RBFOX1: variants seen among roughly 807,000 people sequenced by gnomAD.
RBFOX1 encodes the protein RNA binding protein fox-1 homolog 1.
RBFOX1 carries 8 observed loss-of-function variants against 57.7 expected under a neutral mutation model. The observed-to-expected ratio is 0.14, with a 90% CI of 0.08 to 0.25. RBFOX1 has a LOEUF of 0.25. Ranked by LOEUF, RBFOX1 falls within the 10% of genes least tolerant of loss-of-function variation. The pLI is 1.00. For synonymous variants in RBFOX1, 326 were observed against 222.4 expected, an observed-to-expected ratio of 1.47 and a Z score of -4.15; for missense variants, 611 against 548.5, an observed-to-expected ratio of 1.11 and a Z score of -1.14.
At chr16:5,682,928 C>G (rs1046900474) in intron 3 of RBFOX1, among the ~76,000 whole-genome samples, 1 of 152,196 alleles carries the variant, frequency 6.6e-6, no homozygotes, top group Admixed American at 6.5e-5. Context: ...CTCCCAGGGT[C>G]TAGTGTGAGT....
intron 2 of RBFOX1, among the ~76,000 whole-genome samples, chr16:6,319,986 A>C (rs2081573120): frequency 1.3e-5 from 2 of 151,772 alleles, no homozygotes; most frequent in African/African-American, 4.9e-5. Flanking sequence ...GATTATAGGA[A>C]TATTTTTTTT....
intron 2 of RBFOX1, among the ~76,000 whole-genome samples, chr16:5,548,172 AAAATAT>A (rs1331987771): frequency 7.1e-4 from 20 of 28,282 alleles, no homozygotes; most frequent in African/African-American, 1.0e-3. Flanking sequence ...AAAAAAAAAA[AAAATAT>A]ATATATATAT....
intron 2 of RBFOX1, among the ~76,000 whole-genome samples, chr16:5,467,975 A>G (rs1432536202): frequency 2.0e-5 from 3 of 152,076 alleles, no homozygotes; most frequent in African/African-American, 7.2e-5. Context: ...CTGGCCCTTG[A>G]GTGGATTGGG....
chr16:5,403,222 T>C (rs899234958), intron 1 of RBFOX1, among the ~76,000 whole-genome samples: 6 of 151,822 alleles, frequency 4.0e-5, no homozygotes, highest in Admixed American at 1.3e-4. Flanking sequence ...TGGTGGTGCA[T>C]GCTTGTAATC....
intron 2 of RBFOX1, among the ~76,000 whole-genome samples, chr16:6,359,838 GC>G (rs2088105861): frequency 6.6e-6 from 1 of 152,038 alleles, no homozygotes. Context: ...TAAAAAAAAT[GC>G]CCTCAAAACA....
At chr16:6,672,486 AAGGG>A (rs1239911519) in intron 3 of RBFOX1, among the ~76,000 whole-genome samples, 15 of 151,838 alleles carry the variant, frequency 9.9e-5, no homozygotes, top group Admixed American at 7.2e-4. Flanking sequence ...AAAAAAGAAA[AAGGG>A]AGGGAGGAAG....
chr16:6,160,056 G>C (rs1030946530), intron 1 of RBFOX1, among the ~76,000 whole-genome samples: 1 of 152,108 alleles, frequency 6.6e-6, no homozygotes, highest in Non-Finnish European at 1.5e-5. Context: ...AGATGCTTAT[G>C]CCTTATTGAG....
At chr16:6,000,194 C>A (rs140706445) in intron 4 of RBFOX1, among the ~76,000 whole-genome samples, 2 of 152,138 alleles carry the variant, frequency 1.3e-5, no homozygotes, top group Non-Finnish European at 2.9e-5. Context: ...CCTCTTAGGG[C>A]AGTACCTGGA....
chr16:7,390,967 G>A (rs1030668786), intron 4 of RBFOX1, among the ~76,000 whole-genome samples: 1 of 152,118 alleles, frequency 6.6e-6, no homozygotes, highest in South Asian at 2.1e-4. Context: ...GTGTGGCTTG[G>A]AACAGGGAGT....
At chr16:5,560,297 A>G (rs2045845279) in intron 2 of RBFOX1, among the ~76,000 whole-genome samples, 1 of 152,086 alleles carries the variant, frequency 6.6e-6, no homozygotes, top group Admixed American at 6.6e-5. Context: ...CTCCTCCAGG[A>G]AGCACTTAGT....
Position 7,370,485 on chromosome 16 carries a change from G to T in RBFOX1, c.28-147662G>T, listed in dbSNP as rs7206595. ...CGATCTTTGTTTTTTATCAACGCGG[G>T]TAAGTTCTGTCTCCCTCACTTTCCC... On this transcript the variant is annotated intron_variant, in intron 4 of 15. Transcript: ENST00000550418. Among the ~76,000 whole-genome samples the T allele has an allele frequency of 3.3e-5, 5 of 151,984 alleles. No individual in the cohort carries two copies. In the South Asian group the frequency reaches 8.3e-4, roughly 25 times the overall value.
At chr16:7,080,988 A>G (rs1299726516) in intron 4 of RBFOX1, among the ~76,000 whole-genome samples, 1 of 152,122 alleles carries the variant, frequency 6.6e-6, no homozygotes, top group African/African-American at 2.4e-5. Flanking sequence ...TCTTTACCTC[A>G]CTTCCCCTCC....
chr16:6,845,305 A>G (rs1357865845), intron 3 of RBFOX1, among the ~76,000 whole-genome samples: 9 of 149,320 alleles, frequency 6.0e-5, no homozygotes, highest in African/African-American at 2.0e-4. Context: ...GTGTTTTTAG[A>G]GTTTTGGGTT....
intron 3 of RBFOX1, among the ~76,000 whole-genome samples, chr16:5,691,833 C>A (rs908265972): frequency 2.6e-5 from 4 of 152,084 alleles, no homozygotes; most frequent in Non-Finnish European, 5.9e-5. Flanking sequence ...CTGAGACTGT[C>A]CCACAAATAG....
At chr16:7,005,120 G>T (rs956343455) in intron 3 of RBFOX1, among the ~76,000 whole-genome samples, 1 of 152,028 alleles carries the variant, frequency 6.6e-6, no homozygotes, top group Non-Finnish European at 1.5e-5. Flanking sequence ...CTCCAGCCTG[G>T]GTGACAAGAG....
intron 3 of RBFOX1, among the ~76,000 whole-genome samples, chr16:6,819,370 A>G (rs2090813051): frequency 6.6e-6 from 1 of 152,282 alleles, no homozygotes; most frequent in African/African-American, 2.4e-5. Context: ...ACACACACAC[A>G]TCCTTTAACA....
intron 11 of RBFOX1, among the ~76,000 whole-genome samples, chr16:7,642,966 A>T (rs2063096812): frequency 6.6e-6 from 1 of 152,230 alleles, no homozygotes. Context: ...TGAGTAGGCA[A>T]ATCACAAATA....
At chr16:6,100,068 T>A (rs1415841351) in intron 1 of RBFOX1, among the ~76,000 whole-genome samples, 1 of 152,202 alleles carries the variant, frequency 6.6e-6, no homozygotes, top group African/African-American at 2.4e-5. Context: ...ATAGCAGAGT[T>A]GAATGTTGGG....
intron 1 of RBFOX1, among the ~76,000 whole-genome samples, chr16:5,333,055 G>C (rs188514536): frequency 9.3e-4 from 142 of 152,260 alleles, no homozygotes; most frequent in African/African-American, 3.3e-3. Context: ...GGGTGTGGTG[G>C]TGGGCACCTG....
Sources: gnomAD v4.1 joint callset for allele counts (sites outside exome capture counted in the v4.1 genomes callset) on GRCh38, gnomAD v4.1.1 for gene constraint, MANE v1.5 for transcripts, NCBI Gene and HGNC (gene_info 2026-07-23, HGNC 2026-07-21) for gene names.